The following COL4A6 variants were observed in gnomAD, a reference collection of about 807,000 sequenced individuals.
COL4A6 encodes the protein collagen type IV alpha 6 chain.
In COL4A6, 59 loss-of-function variants were observed where a neutral mutation model predicts 126.7. The ratio of observed to expected loss-of-function variants is 0.47; its 90% CI spans 0.38 to 0.58. The LOEUF is 0.58. COL4A6 is among the 20% of genes least tolerant of loss of function. The pLI is 0.00. For synonymous variants in COL4A6, 547 were observed against 496.6 expected, an observed-to-expected ratio of 1.10 and a Z score of -1.35; for missense variants, 1,285 against 1,337.3, an observed-to-expected ratio of 0.96 and a Z score of 0.61.
intron 2 of COL4A6, among the ~76,000 whole-genome samples, chrX:108,339,433 C>T (rs2039508160): frequency 9.0e-6 from 1 of 111,426 alleles, no homozygotes; most frequent in African/African-American, 3.3e-5. Context: ...TGTTCTCTTC[C>T]TCTTCCTAGA....
At position 108,188,555 on chromosome X, in the gene COL4A6, G is replaced by C. The variant is rs760545580; in HGVS notation, c.1549C>G (p.Arg517Gly). Residue 517 changes from arginine (R) to glycine (G), a missense_variant, in exon 21 of 45, where the codon CGA becomes GGA. Transcript: ENST00000334504. Reference protein sequence around the residue: ...LPGLKGARGDRGSGGAQGPAG... With the variant: ...LPGLKGARGDGGSGGAQGPAG... ...GGGCCCTGTGCACCCCCAGAGCCTCGATCTCCTCTGGCTCCTTTAAGGCCT... is the reference window on the plus strand; with the variant it reads ...GGGCCCTGTGCACCCCCAGAGCCTCCATCTCCTCTGGCTCCTTTAAGGCCT... 19 of 1,174,744 alleles carry C rather than the reference G, an allele frequency of 1.6e-5. No individual in the cohort carries two copies. Among genetic ancestry groups the C allele is most frequent in the South Asian group, 1.2e-4 (6 of 50,401 alleles).
chrX:108,221,502 C>T (rs1012624728), intron 3 of COL4A6, 128 bp from the exon 4 acceptor site: 18 of 723,883 alleles, frequency 2.5e-5, no homozygotes, highest in Middle Eastern at 9.8e-4. Flanking sequence ...CTGTGAGGCA[C>T]GCCAAAGTTC....
At chrX:108,343,726 G>T (rs896892189) in intron 2 of COL4A6, among the ~76,000 whole-genome samples, 5 of 104,239 alleles carry the variant, frequency 4.8e-5, no homozygotes, top group Non-Finnish European at 9.8e-5. Flanking sequence ...TAAAATTTTG[G>T]TTTTTCCCTT....
chrX:108,341,657 C>T (rs962455179), intron 2 of COL4A6, among the ~76,000 whole-genome samples: 4 of 110,677 alleles, frequency 3.6e-5, no homozygotes, highest in Non-Finnish European at 7.6e-5. Flanking sequence ...TTATCAGCAC[C>T]GTGAAAACAG....
rs765047030 is a variant in COL4A6 at position 108,204,420 on chromosome X, A to G, written c.688-8T>C. 12 of 1,186,553 alleles carry G rather than the reference A, an allele frequency of 1.0e-5. No individual in the cohort carries two copies. Among genetic ancestry groups the G allele is most frequent in the Non-Finnish European group, 1.4e-5 (12 of 876,276 alleles). On this transcript the variant is annotated splice_region_variant and splice_polypyrimidine_tract_variant and intron_variant, in intron 11 of 44. Coordinates refer to ENST00000334504, the MANE Select transcript of COL4A6 (RefSeq NM_033641.4). ...AGGGAGGCCAACATCCCCCTGTAAGATCAAATGGAACATTAAGCAAAGTGA... is the reference window on the plus strand; with the variant it reads ...AGGGAGGCCAACATCCCCCTGTAAGGTCAAATGGAACATTAAGCAAAGTGA...
chrX:108,213,898 C>T (rs774852433), intron 6 of COL4A6: 4 of 372,061 alleles, frequency 1.1e-5, no homozygotes, highest in South Asian at 1.1e-4. Flanking sequence ...AAAAAGGCAA[C>T]CCTAAGCAGT....
chrX:108,289,242 AGTGTGTGTGTGT>A (rs34639525), intron 3 of COL4A6, among the ~76,000 whole-genome samples: 2,846 of 91,276 alleles, frequency 0.031, 45 homozygotes, highest in Middle Eastern at 0.075. Flanking sequence ...CAATGAGTAT[AGTGTGTGTGTGT>A]GTGTGTGTGT....
chrX:108,359,810 C>T (rs1029165080), intron 2 of COL4A6, among the ~76,000 whole-genome samples: 15 of 111,928 alleles, frequency 1.3e-4, no homozygotes, highest in Admixed American at 4.7e-4. Context: ...CATAATTTGC[C>T]TTTAGGAAGT....
At chrX:108,341,770 C>T (rs2039570915) in intron 2 of COL4A6, among the ~76,000 whole-genome samples, 1 of 111,445 alleles carries the variant, frequency 9.0e-6, no homozygotes, top group Admixed American at 9.6e-5. Flanking sequence ...ATGCATTTCC[C>T]TCTTTCATTT....
chrX:108,351,517 G>A (rs1202369419), intron 2 of COL4A6, among the ~76,000 whole-genome samples: 2 of 107,309 alleles, frequency 1.9e-5, no homozygotes, highest in African/African-American at 6.8e-5. Flanking sequence ...TATGTTAGAA[G>A]GGTAGCTGGG....
chrX:108,305,112 C>T (rs1190485153), intron 3 of COL4A6, among the ~76,000 whole-genome samples: 1 of 111,667 alleles, frequency 9.0e-6, no homozygotes, highest in Non-Finnish European at 1.9e-5. Flanking sequence ...AGTAGACAAC[C>T]CCAGCCTGGC....
At chrX:108,340,025 C>T (rs758677360) in intron 2 of COL4A6, among the ~76,000 whole-genome samples, 62 of 111,774 alleles carry the variant, frequency 5.5e-4, no homozygotes, top group Middle Eastern at 4.6e-3. Flanking sequence ...AGCTCTTCTT[C>T]CTGGAACTCA....
intron 3 of COL4A6, among the ~76,000 whole-genome samples, chrX:108,271,552 G>T: frequency 9.0e-6 from 1 of 111,654 alleles, no homozygotes; most frequent in Non-Finnish European, 1.9e-5. Context: ...CAGTCCTAAG[G>T]ATTCAGAGCA....
chrX:108,383,338 A>G (rs2040605280), intron 2 of COL4A6: 4 of 297,531 alleles, frequency 1.3e-5, no homozygotes, highest in Admixed American at 1.3e-4. Flanking sequence ...AGACATAACA[A>G]TTACACACAT....
rs1377817612 is a variant in COL4A6 at position 108,343,165 on chromosome X, A to ATATATATAGTGTGT, written c.64-32338_64-32337insACACACTATATATA. On this transcript the variant is annotated intron_variant, in intron 2 of 44. Coordinates refer to ENST00000334504, the MANE Select transcript of COL4A6 (RefSeq NM_033641.4). The stretch of plus-strand genomic sequence containing the variant: ...TATATATATATATATATATATATAT[A>ATATATATAGTGTGT]GTGTGTGTGTGTGTGTGTGTGTGTG... Among the ~76,000 whole-genome samples, 14 of 31,404 alleles carry ATATATATAGTGTGT rather than the reference A, an allele frequency of 4.5e-4. No individual in the cohort carries two copies. In the East Asian group the frequency reaches 0.013, roughly 30 times the overall value. The allele number at this position is 31,404 out of a possible 115,157, so 27.3% of individuals were successfully genotyped here. A position where few individuals can be genotyped will look rare whatever the true frequency, so the allele number is the denominator to read the frequency against.
At chrX:108,316,530 A>G (rs1321888466) in intron 2 of COL4A6, among the ~76,000 whole-genome samples, 1 of 111,478 alleles carries the variant, frequency 9.0e-6, no homozygotes, top group Non-Finnish European at 1.9e-5. Context: ...CTGAGCAGAA[A>G]ACAGTGTTTT....
intron 2 of COL4A6, among the ~76,000 whole-genome samples, chrX:108,366,629 C>T (rs998488665): frequency 3.6e-5 from 4 of 111,902 alleles, no homozygotes; most frequent in African/African-American, 1.3e-4. Flanking sequence ...GTGGCACCTG[C>T]TAATATATTT....
chrX:108,420,056 C>T (rs1283754744), intron 2 of COL4A6, among the ~76,000 whole-genome samples: 1 of 111,314 alleles, frequency 9.0e-6, no homozygotes, highest in Non-Finnish European at 1.9e-5. Context: ...CTAGAGAGAC[C>T]AGAGATGTCT....
chrX:108,347,650 A>G (rs2039739651), intron 2 of COL4A6, among the ~76,000 whole-genome samples: 1 of 111,382 alleles, frequency 9.0e-6, no homozygotes, highest in Admixed American at 9.6e-5. Flanking sequence ...CATCTACTTC[A>G]GAAAGAAACA....
Sources: gnomAD v4.1 joint callset for allele counts (sites outside exome capture counted in the v4.1 genomes callset) on GRCh38, gnomAD v4.1.1 for gene constraint, MANE v1.5 for transcripts, NCBI Gene and HGNC (gene_info 2026-07-23, HGNC 2026-07-21) for gene names.